Variants in ARL6 observed in about 807,000 individuals in gnomAD.
ARL6 encodes the protein ADP-ribosylation factor-like protein 6.
ARL6 carries 18 observed loss-of-function variants against 27.1 expected under a neutral mutation model. The observed-to-expected ratio is 0.66, with a 90% confidence interval of 0.46 to 0.98. ARL6 has a LOEUF of 0.98. Among genes scored for constraint, ARL6 ranks in the 50% least tolerant of loss-of-function variants. The probability of loss-of-function intolerance (pLI) is 0.00; values close to 1 mark genes in which losing one functional copy is unlikely to be tolerated. For synonymous variants in ARL6, 65 were observed against 72.3 expected, an observed-to-expected ratio of 0.90 and a Z score of 0.51; for missense variants, 187 against 214.9, an observed-to-expected ratio of 0.87 and a Z score of 0.81.
chr3:97,794,330 A>C (rs2037893463), intron 7 of ARL6, among the ~76,000 whole-genome samples: 1 of 151,828 alleles, frequency 6.6e-6, no homozygotes, highest in African/African-American at 2.4e-5. Context: ...GTCCTGCCTC[A>C]GCCCCCTGAG....
rs1293572020 is a variant in ARL6, at chr3:97,788,103, A to C, written c.463A>C (p.Lys155Gln). 6.2e-7 allele frequency: 1 copy of C among 1,613,166 alleles called. No individual in the cohort carries two copies. Among genetic ancestry groups the C allele is most frequent in the South Asian group, 1.1e-5 (1 of 91,036 alleles). The change falls in exon 6 of 8, where the codon AAA becomes CAA. Residue 155 changes from lysine to glutamine, a missense_variant. Physicochemically the swap from Lys to Gln is moderately conservative, Grantham distance 53. Coordinates refer to ENST00000463745, the MANE Select transcript of ARL6 (RefSeq NM_001278293.3). ...QLLCLENIKD[K>Q]PWHICASDAI... is the part of the protein sequence containing the mutation. ...GCTGTGTTTAGAGAACATCAAAGAT[A>C]AACCCTGGCATATTTGGTAAAGTTT...
At chr3:97,790,471 ATTCTTATT>A (rs561189938) in intron 6 of ARL6, among the ~76,000 whole-genome samples, 4 of 152,214 alleles carry the variant, frequency 2.6e-5, no homozygotes, top group Admixed American at 2.6e-4. Context: ...TTTTCGCTTT[ATTCTTATT>A]TATTTGAGAG....
chr3:97,767,825 T>C (rs1687711290), intron 1 of ARL6, among the ~76,000 whole-genome samples: 1 of 152,130 alleles, frequency 6.6e-6, no homozygotes, highest in Admixed American at 6.5e-5. Context: ...TATGATAAAT[T>C]ACAGAGAGAA....
chr3:97,784,888 A>C (rs2037373292), intron 4 of ARL6, 67 bp from the exon 5 acceptor site: 1 of 1,135,238 alleles, frequency 8.8e-7, no homozygotes, highest in African/African-American at 1.5e-5. Flanking sequence ...GGAAATGCCC[A>C]TGGATAATAA....
chr3:97,775,649 C>A (rs1235396911), intron 2 of ARL6, among the ~76,000 whole-genome samples: 1 of 152,140 alleles, frequency 6.6e-6, no homozygotes, highest in Non-Finnish European at 1.5e-5. Flanking sequence ...TTAGTATTAA[C>A]CATCACAAAG....
chr3:97,779,671 C>T (rs1243853288), intron 2 of ARL6, among the ~76,000 whole-genome samples: 1 of 152,092 alleles, frequency 6.6e-6, no homozygotes, highest in Non-Finnish European at 1.5e-5. Context: ...TCGAGACCAT[C>T]CTGGCTAACA....
At chr3:97,766,821 A>G (rs1191758068) in intron 1 of ARL6, 2 of 152,190 alleles carry the variant, frequency 1.3e-5, no homozygotes, top group Non-Finnish European at 2.9e-5. Flanking sequence ...TAGAGAACTA[A>G]TGTTGGTGAG....
At chr3:97,790,202 TAAGAG>T (rs150594147) in intron 6 of ARL6, among the ~76,000 whole-genome samples, 2,089 of 152,026 alleles carry the variant, frequency 0.014, 49 homozygotes, top group African/African-American at 0.048. Flanking sequence ...AGTATGATAA[TAAGAG>T]AAAGAATAGT....
At chr3:97,773,708 C>T (rs1209894152) in intron 2 of ARL6, among the ~76,000 whole-genome samples, 1 of 152,136 alleles carries the variant, frequency 6.6e-6, no homozygotes, top group Non-Finnish European at 1.5e-5. Context: ...AATATATTTT[C>T]ATAGTACAAG....
At chr3:97,766,731 A>G (rs998066727) in intron 1 of ARL6, 14 of 152,240 alleles carry the variant, frequency 9.2e-5, no homozygotes, top group African/African-American at 2.4e-5. Flanking sequence ...AAAAGTATTG[A>G]AGAAACTGTA....
intron 2 of ARL6, among the ~76,000 whole-genome samples, chr3:97,774,110 A>G (rs947464825): frequency 1.3e-5 from 2 of 152,164 alleles, no homozygotes; most frequent in Non-Finnish European, 2.9e-5. Context: ...TTTCATCTTG[A>G]TAGTCCCGGA....
chr3:97,771,717 C>G (rs1023918654), intron 2 of ARL6, among the ~76,000 whole-genome samples: 9 of 151,132 alleles, frequency 6.0e-5, no homozygotes, highest in African/African-American at 2.0e-4. Flanking sequence ...TTCTTTTAAT[C>G]CAATTTGTTG....
chr3:97,779,742 T>C (rs1490672324), intron 2 of ARL6, among the ~76,000 whole-genome samples: 2 of 151,884 alleles, frequency 1.3e-5, no homozygotes, highest in Admixed American at 1.3e-4. Flanking sequence ...GGCGGGCGCC[T>C]GTAGTCCCAG....
Position 97,798,782 on chromosome 3 carries a change from T to C in ARL6, c.*733T>C, listed in dbSNP as rs1269245726. On this transcript the variant is annotated 3_prime_UTR_variant, in exon 8 of 8. Transcript: ENST00000463745. Reference sequence around the variant, plus strand: ...TAATGAGGGATAATTTGAGAACCTTTCCATGGATAGTATCTAATTTTATTT... The same window carrying C: ...TAATGAGGGATAATTTGAGAACCTTCCCATGGATAGTATCTAATTTTATTT... 1.3e-5 allele frequency: 2 copies of C among 152,090 alleles called. No homozygotes were observed. The highest frequency in any genetic ancestry group is 4.8e-5 in the African/African-American group (2 of 41,452). 9.4% of individuals were successfully genotyped at this position (152,090 alleles called of 1,614,324 possible).
intron 2 of ARL6, among the ~76,000 whole-genome samples, chr3:97,771,844 T>C (rs2036652572): frequency 6.6e-6 from 1 of 152,184 alleles, no homozygotes; most frequent in Non-Finnish European, 1.5e-5. Context: ...TATATTGATT[T>C]GTGTATGTTG....
intron 4 of ARL6, among the ~76,000 whole-genome samples, chr3:97,783,499 AT>A (rs1397128757): frequency 6.6e-6 from 1 of 151,844 alleles, no homozygotes; most frequent in Non-Finnish European, 1.5e-5. Context: ...TTCAGTCAAA[AT>A]CTTGTATAAA....
chr3:97,789,276 T>C (rs1270073523), intron 6 of ARL6, among the ~76,000 whole-genome samples: 1 of 152,130 alleles, frequency 6.6e-6, no homozygotes, highest in African/African-American at 2.4e-5. Context: ...TGGTATTTGA[T>C]AGGTAAAGAA....
intron 2 of ARL6, among the ~76,000 whole-genome samples, chr3:97,769,946 A>G (rs1160906953): frequency 1.3e-5 from 2 of 152,052 alleles, no homozygotes; most frequent in Non-Finnish European, 2.9e-5. Context: ...TTGATGGACA[A>G]AAGTGTATTC....
chr3:97,783,647 G>A (rs533350160), intron 4 of ARL6, among the ~76,000 whole-genome samples: 1 of 151,770 alleles, frequency 6.6e-6, no homozygotes, highest in South Asian at 2.1e-4. Flanking sequence ...ATGTATGTCT[G>A]TGATAATCAG....
Sources: gnomAD v4.1 joint callset for allele counts (sites outside exome capture counted in the v4.1 genomes callset) on GRCh38, gnomAD v4.1.1 for gene constraint, MANE v1.5 for transcripts, NCBI Gene and HGNC (gene_info 2026-07-23, HGNC 2026-07-21) for gene names.